IFT80: variants seen among roughly 807,000 people sequenced by gnomAD.
IFT80 encodes the protein intraflagellar transport protein 80 homolog.
In IFT80, 79 loss-of-function variants were observed where a neutral mutation model predicts 107.9. The observed-to-expected ratio is 0.73, with a 90% CI of 0.61 to 0.88. The LOEUF (loss-of-function observed/expected upper bound fraction) is 0.88, where lower values mean the gene tolerates loss of function less well. IFT80 is among the 40% of genes least tolerant of loss of function. The pLI, the probability that IFT80 is intolerant of heterozygous loss-of-function variation, is 0.00. For synonymous variants in IFT80, 299 were observed against 300.9 expected (o/e 0.99, Z 0.07); for missense variants, 797 against 914.2 (o/e 0.87, Z 1.65).
chr3:160,380,109 T>C (rs1398551344), intron 3 of IFT80, among the ~76,000 whole-genome samples: 1 of 151,358 alleles, frequency 6.6e-6, no homozygotes, highest in Non-Finnish European at 1.5e-5. Flanking sequence ...CTCAGCTCAC[T>C]GAAACCTCTG....
intron 8 of IFT80, among the ~76,000 whole-genome samples, chr3:160,352,764 C>A (rs1720806248): frequency 6.6e-6 from 1 of 152,136 alleles, no homozygotes; most frequent in African/African-American, 2.4e-5. Context: ...AGGCAAACAC[C>A]CAGACAATAA....
At chr3:160,269,396 A>C (rs993019856) in intron 18 of IFT80, among the ~76,000 whole-genome samples, 3 of 152,168 alleles carry the variant, frequency 2.0e-5, no homozygotes, top group South Asian at 4.1e-4. Context: ...TAAAAATCTT[A>C]TGAAAATAAC....
chr3:160,382,384 A>C (rs1366338393), intron 2 of IFT80, among the ~76,000 whole-genome samples: 6 of 152,198 alleles, frequency 3.9e-5, no homozygotes, highest in African/African-American at 1.4e-4. Flanking sequence ...CATTAAAATT[A>C]GGAAATAATT....
At chr3:160,317,899 C>T (rs1265462036) in intron 9 of IFT80, among the ~76,000 whole-genome samples, 1 of 151,956 alleles carries the variant, frequency 6.6e-6, no homozygotes, top group East Asian at 1.9e-4. Context: ...GATCCTGATT[C>T]AAACAAAGTT....
chr3:160,328,707 G>C (rs1718865118), intron 8 of IFT80, among the ~76,000 whole-genome samples: 1 of 151,898 alleles, frequency 6.6e-6, no homozygotes, highest in Non-Finnish European at 1.5e-5. Flanking sequence ...GTTCATTACA[G>C]TACAATAACA....
intron 1 of IFT80, among the ~76,000 whole-genome samples, chr3:160,393,820 T>G (rs1234173914): frequency 1.3e-5 from 2 of 152,160 alleles, no homozygotes; most frequent in Non-Finnish European, 2.9e-5. Flanking sequence ...CAGAAAAATC[T>G]CTAGTAGTGA....
chr3:160,345,534 C>A lies in IFT80; in HGVS notation c.777+10479G>T, dbSNP rs946643309. 3.8e-4 allele frequency among the ~76,000 whole-genome samples: 58 copies of A among 151,614 alleles called. 1 individual carries two copies. Among genetic ancestry groups the A allele is most frequent in the Admixed American group, 1.5e-3 (23 of 15,192 alleles). On this transcript the variant is annotated intron_variant, in intron 8 of 19. Transcript: ENST00000326448. ...GAAATCCAGTCTCTACTAAAAAAAA[C>A]ACAAAACTTAGTAGCCAGGTATGGT...
intron 1 of IFT80, among the ~76,000 whole-genome samples, chr3:160,386,290 G>A (rs1179484611): frequency 1.3e-5 from 2 of 152,212 alleles, no homozygotes; most frequent in African/African-American, 4.8e-5. Flanking sequence ...GGGATTGAAT[G>A]AGGGAATAAA....
chr3:160,279,060 CT>C, intron 16 of IFT80, 132 bp downstream of exon 16: 1 of 689,850 alleles, frequency 1.4e-6, no homozygotes, highest in Non-Finnish European at 2.5e-6. Flanking sequence ...TTGCCCATGT[CT>C]TTACTTATAA....
At chr3:160,261,818 A>G (rs937333135) in intron 19 of IFT80, among the ~76,000 whole-genome samples, 90 of 149,870 alleles carry the variant, frequency 6.0e-4, no homozygotes, top group African/African-American at 1.1e-3. Context: ...AAAAAAAAAA[A>G]GGGGGACCTG....
intron 1 of IFT80, chr3:160,394,366 AT>A (rs997255103): frequency 2.0e-5 from 3 of 152,076 alleles, no homozygotes; most frequent in Non-Finnish European, 4.4e-5. Flanking sequence ...ACATTTACAA[AT>A]TTGTGTTGGG....
Position 160,374,838 on chromosome 3 carries a change from G to A in IFT80, c.439+974C>T, listed in dbSNP as rs115727664. 4.5e-3 allele frequency among the ~76,000 whole-genome samples: 686 copies of A among 152,090 alleles called. 7 individuals carry two copies. Among genetic ancestry groups the A allele is most frequent in the African/African-American group, 0.016 (655 of 41,478 alleles). On this transcript the variant is annotated intron_variant, in intron 5 of 19. Coordinates refer to ENST00000326448, the MANE Select transcript of IFT80 (RefSeq NM_020800.3). ...TTGCTGTTAACTGAAACTTACCCAC[G>A]GCTACTTCTATGAACTCTGAATTTT...
chr3:160,286,888 G>C (rs1404655800), intron 12 of IFT80, among the ~76,000 whole-genome samples: 2 of 151,984 alleles, frequency 1.3e-5, no homozygotes, highest in Non-Finnish European at 2.9e-5. Flanking sequence ...TGAGTGATTA[G>C]AGTATCTTTA....
Position 160,302,018 on chromosome 3 carries a change from T to C in IFT80, c.1152-972A>G, listed in dbSNP as rs535778138. Reference sequence around the variant, plus strand: ...CAATTACTGGATTAAAGACCATACATTTAAAATTTTTAAATATATCTTGTT... The same window carrying C: ...CAATTACTGGATTAAAGACCATACACTTAAAATTTTTAAATATATCTTGTT... On this transcript the variant is annotated intron_variant, in intron 11 of 19. Transcript: ENST00000326448. 6.6e-5 allele frequency among the ~76,000 whole-genome samples: 10 copies of C among 152,180 alleles called. No homozygotes were observed. The South Asian group carries it at 2.1e-3, about 31-fold the overall frequency.
intron 8 of IFT80, among the ~76,000 whole-genome samples, chr3:160,343,315 A>C (rs1720054574): frequency 6.6e-6 from 1 of 152,194 alleles, no homozygotes; most frequent in Non-Finnish European, 1.5e-5. Flanking sequence ...AGAATCACAA[A>C]AAAGTTATCT....
intron 12 of IFT80, among the ~76,000 whole-genome samples, chr3:160,286,111 C>G (rs568772276): frequency 6.6e-6 from 1 of 152,240 alleles, no homozygotes; most frequent in East Asian, 1.9e-4. Flanking sequence ...CATTAATGCT[C>G]CACAGGCTCA....
In IFT80 at chr3:160,377,516, A is replaced by C; in HGVS notation, c.284T>G (p.Leu95Ter). 1 of 1,604,564 alleles carries C rather than the reference A, an allele frequency of 6.2e-7. No individual in the cohort carries two copies. The change falls in exon 4 of 20, where the codon TTA becomes TGA. Residue 95 changes from leucine (L) to a stop codon, truncating the protein, a stop_gained. Transcript: ENST00000326448. LOFTEE classifies it high-confidence loss of function. ...TTCTACACTTTTTTCCACTCTTCCT[A>C]ACTTGGAAATCAGATGAAATTTACC... ...SDGKFHLISKLGRVEKSVEAH... is the reference protein window; with the variant it reads ...SDGKFHLISK
intron 9 of IFT80, among the ~76,000 whole-genome samples, chr3:160,308,503 A>T (rs1716989414): frequency 6.6e-6 from 1 of 152,208 alleles, no homozygotes; most frequent in South Asian, 2.1e-4. Flanking sequence ...AATGTTGAGC[A>T]AGTTAAATTT....
At position 160,315,177 on chromosome 3, in the gene IFT80, T is replaced by A. The variant is rs180875569; in HGVS notation, c.957+4583A>T. Among the ~76,000 whole-genome samples the A allele has an allele frequency of 2.5e-3, 386 of 152,032 alleles. 4 individuals carry two copies. The highest frequency in any genetic ancestry group is 8.7e-3 in the African/African-American group (359 of 41,502). On this transcript the variant is annotated intron_variant, in intron 9 of 19. Coordinates refer to ENST00000326448, the MANE Select transcript of IFT80 (RefSeq NM_020800.3). ...GATTAGAGCTCACTGAATCCACATG[T>A]TGCAAGTGAAAACAGGTACAGGGAT...
Sources: gnomAD v4.1 joint callset for allele counts (sites outside exome capture counted in the v4.1 genomes callset) on GRCh38, gnomAD v4.1.1 for gene constraint, MANE v1.5 for transcripts, NCBI Gene and HGNC (gene_info 2026-07-23, HGNC 2026-07-21) for gene names.